PAPPA2: variants seen among roughly 807,000 people sequenced by gnomAD.
The protein encoded by PAPPA2 is pappalysin 2.
In PAPPA2, 86 loss-of-function variants were observed where a neutral mutation model predicts 176.4. The ratio of observed to expected loss-of-function variants is 0.49; its 90% CI spans 0.41 to 0.58. The LOEUF (loss-of-function observed/expected upper bound fraction) is 0.58, where lower values mean the gene tolerates loss of function less well. Among genes scored for constraint, PAPPA2 ranks in the 20% least tolerant of loss-of-function variants. The probability of loss-of-function intolerance (pLI) is 0.00; values close to 1 mark genes in which losing one functional copy is unlikely to be tolerated. For synonymous variants in PAPPA2, 809 were observed against 852.2 expected, an observed-to-expected ratio of 0.95 and a Z score of 0.88; for missense variants, 2,073 against 2,256.9, an observed-to-expected ratio of 0.92 and a Z score of 1.65.
intron 3 of PAPPA2, among the ~76,000 whole-genome samples, chr1:176,610,242 C>T (rs535221596): frequency 9.9e-5 from 15 of 151,896 alleles, no homozygotes; most frequent in African/African-American, 3.6e-4. Context: ...TCTATGTCTC[C>T]TATTCCATAG....
In PAPPA2 at chr1:176,816,619, C is replaced by T. The variant is rs1468987387; in HGVS notation, c.5202+16487C>T. On this transcript the variant is annotated intron_variant, in intron 21 of 22. Transcript: ENST00000367662. ...CTGTTGTCTTTTTTTTTTATGAGTTCATGCCTTTTTTGTTCCTTTTTTATA... is the reference window on the plus strand; with the variant it reads ...CTGTTGTCTTTTTTTTTTATGAGTTTATGCCTTTTTTGTTCCTTTTTTATA... Among the ~76,000 whole-genome samples, 3 of 151,062 alleles carry T rather than the reference C, an allele frequency of 2.0e-5. No individual in the cohort carries two copies. The East Asian group carries it at 5.8e-4, about 29-fold the overall frequency.
intron 12 of PAPPA2, among the ~76,000 whole-genome samples, chr1:176,717,595 G>A (rs1052880157): frequency 9.9e-5 from 15 of 152,158 alleles, no homozygotes; most frequent in African/African-American, 3.4e-4. Flanking sequence ...AACACCACTG[G>A]CTCACCTTCA....
chr1:176,691,102 T>C, intron 5 of PAPPA2: 2 of 985,310 alleles, frequency 2.0e-6, no homozygotes, highest in Non-Finnish European at 1.2e-6. Flanking sequence ...TATTCTTCGC[T>C]GTCTCTCACG....
intron 3 of PAPPA2, among the ~76,000 whole-genome samples, chr1:176,659,812 T>C (rs1288412735): frequency 6.6e-6 from 1 of 152,128 alleles, no homozygotes; most frequent in African/African-American, 2.4e-5. Context: ...CATCAGCTGC[T>C]GCTTAAATAT....
rs547190827 is a variant in PAPPA2 at position 176,792,921 on chromosome 1, C to A, written c.5021-639C>A. 5.3e-5 allele frequency among the ~76,000 whole-genome samples: 8 copies of A among 152,160 alleles called. 1 individual carries two copies. Among genetic ancestry groups the A allele is most frequent in the African/African-American group, 1.4e-4 (6 of 41,526 alleles). ...AGAGCAAGATTTTTCTACAAGAGAC[C>A]AACACATGCCCAAAGTCTCTGCTTC... On this transcript the variant is annotated intron_variant, in intron 19 of 22. Transcript: ENST00000367662.
chr1:176,731,683 ATACATATATGTG>A (rs1489148219), intron 12 of PAPPA2, among the ~76,000 whole-genome samples: 2 of 149,360 alleles, frequency 1.3e-5, no homozygotes, highest in African/African-American at 2.6e-5. Flanking sequence ...ATGTGTATAT[ATACATATATGTG>A]TACATATATG....
intron 3 of PAPPA2, among the ~76,000 whole-genome samples, chr1:176,653,527 A>G (rs967260421): frequency 7.3e-5 from 11 of 151,454 alleles, no homozygotes; most frequent in Admixed American, 5.3e-4. Context: ...TCTTTCTTAT[A>G]TGGTCTTTTC....
Position 176,842,599 on chromosome 1 carries a change from A to G in PAPPA2, c.*145A>G, listed in dbSNP as rs1667528974. The G allele has an allele frequency of 6.5e-6, 5 of 764,686 alleles. No individual in the cohort carries two copies. Among genetic ancestry groups the G allele is most frequent in the Admixed American group, 5.0e-5 (2 of 39,900 alleles). The allele number at this position is 764,686 out of a possible 1,614,324, so 47.4% of individuals were successfully genotyped here. ...CATGAAGGATCTTATAAGAAATGCA[A>G]GAGGATATTGATAGGTGTGAACTAG... On this transcript the variant is annotated 3_prime_UTR_variant, in exon 23 of 23. Coordinates refer to ENST00000367662, the MANE Select transcript of PAPPA2 (RefSeq NM_020318.3).
intron 12 of PAPPA2, among the ~76,000 whole-genome samples, chr1:176,713,157 T>TC (rs1469011287): frequency 6.6e-6 from 1 of 151,976 alleles, no homozygotes; most frequent in Non-Finnish European, 1.5e-5. Flanking sequence ...GAATTCAAGT[T>TC]CTTTTTTTTT....
At chr1:176,553,025 G>A (rs1472913741) in intron 1 of PAPPA2, among the ~76,000 whole-genome samples, 1 of 152,062 alleles carries the variant, frequency 6.6e-6, no homozygotes, top group Non-Finnish European at 1.5e-5. Context: ...GGCATGTCTA[G>A]TGTCTTTCTC....
At position 176,594,605 on chromosome 1, in the gene PAPPA2, G is replaced by A. The variant is rs770493671; in HGVS notation, c.1001G>A (p.Arg334Gln). 28 of 1,614,046 alleles carry A rather than the reference G, an allele frequency of 1.7e-5. No homozygotes were observed. The highest frequency in any genetic ancestry group is 4.4e-5 in the South Asian group (4 of 91,086). ...GIRSGKDKGK[R>Q]DARFFFSLCT... ...CGCTCAGGGAAGGACAAGGGAAAGC[G>A]GGATGCTCGCTTCTTCTTCTCCCTC... is the stretch of plus-strand genomic sequence containing the variant. Residue 334 changes from arginine (R) to glutamine (Q), a missense_variant, in exon 3 of 23, where the codon CGG becomes CAG. By Grantham distance (43) the Arg-to-Gln change is conservative. This residue lies in a region of PAPPA2 where 1,196 missense variants were observed against 1,330.4 expected (regional missense o/e 0.90). Transcript: ENST00000367662.
chr1:176,706,352 C>T lies in PAPPA2; in HGVS notation c.3366-7C>T, dbSNP rs762134659. The T allele has an allele frequency of 6.2e-7, 1 of 1,612,024 alleles. No homozygotes were observed. The highest frequency in any genetic ancestry group is 1.3e-5 in the African/African-American group (1 of 74,862). Reference sequence around the variant, plus strand: ...TGTTATATATGCATATATATTTTACCCTCTAGGAGACTGGGAGAAGAGTGT... The same window carrying T: ...TGTTATATATGCATATATATTTTACTCTCTAGGAGACTGGGAGAAGAGTGT... On this transcript the variant is annotated splice_region_variant and splice_polypyrimidine_tract_variant and intron_variant, in intron 9 of 22. Transcript: ENST00000367662.
At chr1:176,545,746 C>A (rs1650602321) in intron 1 of PAPPA2, among the ~76,000 whole-genome samples, 2 of 152,150 alleles carry the variant, frequency 1.3e-5, no homozygotes, top group Non-Finnish European at 2.9e-5. Flanking sequence ...TTATAAACCA[C>A]AATGTCATAG....
intron 2 of PAPPA2, among the ~76,000 whole-genome samples, 188 bp downstream of exon 2, chr1:176,557,429 A>T (rs931522593): frequency 1.2e-4 from 18 of 152,138 alleles, no homozygotes; most frequent in African/African-American, 4.1e-4. Context: ...CAAAAAGGAG[A>T]TAATGACTCT....
intron 3 of PAPPA2, among the ~76,000 whole-genome samples, chr1:176,605,141 G>A (rs1417921684): frequency 6.6e-6 from 1 of 152,118 alleles, no homozygotes; most frequent in East Asian, 1.9e-4. Flanking sequence ...AAATTTTGAT[G>A]AGCATAAAAA....
rs746549352 is a variant in PAPPA2, at chr1:176,711,948, T to G, written c.3765T>G (p.Gly1255=). 3 of 1,613,306 alleles carry G rather than the reference T, an allele frequency of 1.9e-6. No homozygotes were observed. Among genetic ancestry groups the G allele is most frequent in the Non-Finnish European group, 2.5e-6 (3 of 1,179,436 alleles). Residue 1255 remains glycine, a synonymous_variant, in exon 12 of 23, where the codon GGT becomes GGG. Transcript: ENST00000367662. Reference sequence around the variant, plus strand: ...ATGACAGGAGTGAACAGCCAGAAGGTAGCCTGAAGAAAGAGGATGAGGTTT... The same window carrying G: ...ATGACAGGAGTGAACAGCCAGAAGGGAGCCTGAAGAAAGAGGATGAGGTTT... ...TQDDRSEQPE[G]SLKKEDEVWL... is the part of the protein sequence containing the mutation.
intron 4 of PAPPA2, among the ~76,000 whole-genome samples, chr1:176,677,844 T>C (rs1659383534): frequency 6.6e-6 from 1 of 152,196 alleles, no homozygotes; most frequent in African/African-American, 2.4e-5. Context: ...GACTGTGTTT[T>C]GTGGCAATGC....
chr1:176,626,268 G>A (rs950735228), intron 3 of PAPPA2, among the ~76,000 whole-genome samples: 1 of 151,950 alleles, frequency 6.6e-6, no homozygotes, highest in African/African-American at 2.4e-5. Context: ...TATCATTTAT[G>A]CATGTGTTCC....
chr1:176,829,413 G>A (rs1463410493), intron 21 of PAPPA2, among the ~76,000 whole-genome samples: 1 of 152,356 alleles, frequency 6.6e-6, no homozygotes, highest in East Asian at 1.9e-4. Context: ...CGGGCTCAGG[G>A]AGCCAAGAAA....
Sources: gnomAD v4.1 joint callset for allele counts (sites outside exome capture counted in the v4.1 genomes callset) on GRCh38, gnomAD v4.1.1 for gene constraint, gnomAD v4.1.1 regional missense constraint, MANE v1.5 for transcripts, NCBI Gene and HGNC (gene_info 2026-07-23, HGNC 2026-07-21) for gene names.